The following PIAS1 variants were observed in gnomAD, a reference collection of about 807,000 sequenced individuals.
PIAS1 encodes the protein E3 SUMO-protein ligase PIAS1.
In PIAS1, 6 loss-of-function variants were observed where a neutral mutation model predicts 71.3. The observed-to-expected ratio is 0.08, with a 90% CI of 0.05 to 0.17. PIAS1 has a LOEUF of 0.17. Ranked by LOEUF, PIAS1 falls within the 10% of genes least tolerant of loss-of-function variation. The pLI is 1.00. For synonymous variants in PIAS1, 303 were observed against 292.9 expected, an observed-to-expected ratio of 1.03 and a Z score of -0.35; for missense variants, 555 against 793.6, an observed-to-expected ratio of 0.70 and a Z score of 3.61.
chr15:68,100,246 A>C (rs1814474924), intron 2 of PIAS1, among the ~76,000 whole-genome samples: 1 of 152,216 alleles, frequency 6.6e-6, no homozygotes, highest in Non-Finnish European at 1.5e-5. Context: ...CCAAACTAGG[A>C]CATAACATTG....
At chr15:68,175,332 TACTC>T (rs2093014596) in intron 9 of PIAS1, among the ~76,000 whole-genome samples, 1 of 152,200 alleles carries the variant, frequency 6.6e-6, no homozygotes, top group African/African-American at 2.4e-5. Context: ...GAAAAATAAA[TACTC>T]ATGAAGGTAT....
intron 1 of PIAS1, among the ~76,000 whole-genome samples, chr15:68,069,577 C>T (rs1298051453): frequency 2.6e-5 from 4 of 151,928 alleles, no homozygotes; most frequent in African/African-American, 7.3e-5. Flanking sequence ...CTGAGGCGGG[C>T]GGATGACAAG....
chr15:68,147,384 T>C (rs914430519), intron 6 of PIAS1, among the ~76,000 whole-genome samples: 1 of 152,218 alleles, frequency 6.6e-6, no homozygotes, highest in African/African-American at 2.4e-5. Flanking sequence ...TGATTACATT[T>C]TAAAACTGTA....
At chr15:68,125,910 G>A (rs1040165842) in intron 2 of PIAS1, among the ~76,000 whole-genome samples, 7 of 152,042 alleles carry the variant, frequency 4.6e-5, no homozygotes, top group Non-Finnish European at 8.8e-5. Context: ...GCTGATCTAA[G>A]CTGACCTCAA....
intron 1 of PIAS1, among the ~76,000 whole-genome samples, chr15:68,058,701 TGTAA>T (rs2091924020): frequency 6.6e-6 from 1 of 152,232 alleles, no homozygotes; most frequent in African/African-American, 2.4e-5. Context: ...CATTAATTTT[TGTAA>T]GTATCATTTT....
At position 68,149,915 on chromosome 15, in the gene PIAS1, A is replaced by T. The variant is rs74673965; in HGVS notation, c.828+3215A>T. 8.3e-4 allele frequency among the ~76,000 whole-genome samples: 126 copies of T among 152,292 alleles called. 9 individuals are homozygous for T. The East Asian group carries it at 0.024, about 29-fold the overall frequency. On this transcript the variant is annotated intron_variant, in intron 6 of 13. Coordinates refer to ENST00000249636, the MANE Select transcript of PIAS1 (RefSeq NM_016166.3). ...CATATTTGACTTGCTCCTTATGTTA[A>T]TGAGAATACTGCTACTGTTATAACA...
chr15:68,114,932 A>C (rs1485449885), intron 2 of PIAS1, among the ~76,000 whole-genome samples: 1 of 151,874 alleles, frequency 6.6e-6, no homozygotes, highest in East Asian at 1.9e-4. Flanking sequence ...TTTCTTGGAG[A>C]TGAAACTTTG....
chr15:68,187,093 G>C lies in PIAS1; in HGVS notation c.1663-449G>C, dbSNP rs1035337213. 5.9e-5 allele frequency among the ~76,000 whole-genome samples: 9 copies of C among 152,146 alleles called. No individual in the cohort carries two copies. The highest frequency in any genetic ancestry group is 2.2e-4 in the African/African-American group (9 of 41,396). On this transcript the variant is annotated intron_variant, in intron 13 of 13. Coordinates refer to ENST00000249636, the MANE Select transcript of PIAS1 (RefSeq NM_016166.3). This position sits in a 1 kb window ranked among gnomAD's most constrained non-coding sequence, Gnocchi z 5.3. ...TAAATAAAAATTCTAACTTTCAGTGGTGCCTGAGTGTATAATAAGAACAGT... is the reference window on the plus strand; with the variant it reads ...TAAATAAAAATTCTAACTTTCAGTGCTGCCTGAGTGTATAATAAGAACAGT...
chr15:68,178,040 C>T lies in PIAS1; in HGVS notation c.1481+1386C>T, dbSNP rs913267546. Among the ~76,000 whole-genome samples, 8 of 152,116 alleles carry T rather than the reference C, an allele frequency of 5.3e-5. No homozygotes were observed. The highest frequency in any genetic ancestry group is 1.9e-4 in the African/African-American group (8 of 41,426). On this transcript the variant is annotated intron_variant, in intron 11 of 13. Coordinates refer to ENST00000249636, the MANE Select transcript of PIAS1 (RefSeq NM_016166.3). This position sits in a 1 kb window ranked among gnomAD's most constrained non-coding sequence, Gnocchi z 4.2. ...GGAGTCAAATCATTTTCAGGTTTGA[C>T]ATTGTATGATGAGATTAAAGATTTC...
intron 7 of PIAS1, among the ~76,000 whole-genome samples, chr15:68,157,441 C>A (rs35722665): frequency 0.48 from 72,341 of 152,014 alleles, 18,068 homozygotes; most frequent in Middle Eastern, 0.56. Flanking sequence ...TCTACACTTG[C>A]TCTTTTTACC....
intron 2 of PIAS1, among the ~76,000 whole-genome samples, chr15:68,095,153 CACTT>C (rs1429198809): frequency 6.6e-6 from 1 of 151,988 alleles, no homozygotes; most frequent in African/African-American, 2.4e-5. Flanking sequence ...AGGAGCCAAA[CACTT>C]AGGGTCAGAA....
chr15:68,074,288 C>G (rs2092133136), intron 1 of PIAS1, among the ~76,000 whole-genome samples: 1 of 152,100 alleles, frequency 6.6e-6, no homozygotes. Context: ...CTTCTTCTGT[C>G]ATAGAGTTTA....
At chr15:68,163,233 A>T (rs974983351) in intron 7 of PIAS1, among the ~76,000 whole-genome samples, 1 of 152,212 alleles carries the variant, frequency 6.6e-6, no homozygotes, top group African/African-American at 2.4e-5. Flanking sequence ...ATAAGAAAGG[A>T]TTGACTAAGA....
In PIAS1 at chr15:68,193,821, T is replaced by C. The variant is rs1281356778; in HGVS notation, c.*5986T>C. 1 of 554,550 alleles carries C rather than the reference T, an allele frequency of 1.8e-6. No individual in the cohort carries two copies. Among genetic ancestry groups the C allele is most frequent in the Non-Finnish European group, 3.2e-6 (1 of 311,478 alleles). 34.4% of individuals were successfully genotyped at this position (554,550 alleles called of 1,614,324 possible). On this transcript the variant is annotated 3_prime_UTR_variant, in exon 14 of 14. Coordinates refer to ENST00000249636, the MANE Select transcript of PIAS1 (RefSeq NM_016166.3). ...CGGTAGTTAATAAAATCAATACAAA[T>C]CTTTTATTAAAGATCTACTCATACC...
At chr15:68,121,847 G>T (rs1380381850) in intron 2 of PIAS1, among the ~76,000 whole-genome samples, 1 of 152,166 alleles carries the variant, frequency 6.6e-6, no homozygotes, top group Non-Finnish European at 1.5e-5. Flanking sequence ...ACTTCAAGAG[G>T]CTGGGCATGG....
Position 68,173,645 on chromosome 15 carries a change from C to A in PIAS1, c.1009-87C>A. On this transcript the variant is annotated intron_variant, in intron 8 of 13. Transcript: ENST00000249636. This position sits in a 1 kb window ranked among gnomAD's most constrained non-coding sequence, Gnocchi z 4.3. ...CACTGTATGCTTTAAATCAGCATGC[C>A]TACCTGTTGTGTTCTAGGAAATTTT... 1 of 828,840 alleles carries A rather than the reference C, an allele frequency of 1.2e-6. No homozygotes were observed. The highest frequency in any genetic ancestry group is 2.8e-5 in the South Asian group (1 of 35,680). 51.3% of individuals were successfully genotyped at this position (828,840 alleles called of 1,614,324 possible). A position where few individuals can be genotyped will look rare whatever the true frequency, so the allele number is the denominator to read the frequency against.
chr15:68,059,934 C>G (rs1567021486), intron 1 of PIAS1, among the ~76,000 whole-genome samples: 1 of 151,974 alleles, frequency 6.6e-6, no homozygotes, highest in Admixed American at 6.6e-5. Context: ...ACAAAATTAG[C>G]TAAAATGTTG....
At chr15:68,129,858 C>T (rs554685785) in intron 2 of PIAS1, among the ~76,000 whole-genome samples, 1 of 150,278 alleles carries the variant, frequency 6.7e-6, no homozygotes, top group Non-Finnish European at 1.5e-5. Context: ...TTTATGTGTG[C>T]TTATAAGTCC....
At chr15:68,142,359 A>G (rs1427344740) in intron 4 of PIAS1, 22 bp downstream of exon 4, 1 of 1,544,590 alleles carries the variant, frequency 6.5e-7, no homozygotes, top group South Asian at 1.1e-5. Context: ...ACTATAGGAT[A>G]TATTCAAAGT....
Sources: allele counts gnomAD v4.1 joint callset (sites outside exome capture counted in the v4.1 genomes callset), GRCh38; gene constraint gnomAD v4.1.1; non-coding constraint Gnocchi (gnomAD v3.1); transcripts MANE v1.5; gene names NCBI Gene and HGNC (gene_info 2026-07-23, HGNC 2026-07-21).